MERTK: variants seen among roughly 807,000 people sequenced by gnomAD.
MERTK encodes the protein tyrosine-protein kinase Mer.
In MERTK, 69 loss-of-function variants were observed where a neutral mutation model predicts 99.3. That is an observed-to-expected ratio of 0.70 (90% CI 0.57 to 0.85). The LOEUF is 0.85. Ranked by LOEUF, MERTK falls within the 40% of genes least tolerant of loss-of-function variation. The probability of loss-of-function intolerance (pLI) is 0.00; values close to 1 mark genes in which losing one functional copy is unlikely to be tolerated. For missense variants in MERTK, 1,125 were observed against 1,249.4 expected (o/e 0.90, Z 1.50); for synonymous variants, 426 against 467.6 (o/e 0.91, Z 1.15).
intron 1 of MERTK, among the ~76,000 whole-genome samples, chr2:111,921,171 G>A (rs1207357660): frequency 6.6e-6 from 1 of 152,092 alleles, no homozygotes; most frequent in Admixed American, 6.6e-5. Flanking sequence ...ACTGGTCTAG[G>A]TTCTGCGTTT....
chr2:111,927,928 T>A (rs1684597963), intron 1 of MERTK, among the ~76,000 whole-genome samples: 2 of 152,046 alleles, frequency 1.3e-5, no homozygotes, highest in South Asian at 4.1e-4. Flanking sequence ...CACCCACCTG[T>A]CTCACTCACT....
intron 1 of MERTK, among the ~76,000 whole-genome samples, chr2:111,915,186 C>T (rs1228892731): frequency 6.6e-6 from 1 of 152,142 alleles, no homozygotes; most frequent in Non-Finnish European, 1.5e-5. Context: ...GTTATTTGTA[C>T]TATTCACTTA....
chr2:111,975,807 A>G (rs558202785), intron 7 of MERTK, among the ~76,000 whole-genome samples: 2 of 152,298 alleles, frequency 1.3e-5, no homozygotes, highest in East Asian at 3.9e-4. Context: ...CCACTCCAAT[A>G]TATGTGGGGA....
chr2:111,967,379 T>C (rs1685377240), intron 5 of MERTK, among the ~76,000 whole-genome samples: 1 of 152,218 alleles, frequency 6.6e-6, no homozygotes, highest in Admixed American at 6.5e-5. Flanking sequence ...CAGGAAGTGT[T>C]AGCCTTCATT....
intron 8 of MERTK, among the ~76,000 whole-genome samples, chr2:111,993,958 G>T (rs1277829367): frequency 6.6e-6 from 1 of 152,148 alleles, no homozygotes; most frequent in Non-Finnish European, 1.5e-5. Context: ...CTGCCGTCCG[G>T]GTGCATCTGC....
chr2:111,898,880 C>G, intron 1 of MERTK, 84 bp downstream of exon 1: 1 of 1,380,248 alleles, frequency 7.2e-7, no homozygotes, highest in Non-Finnish European at 9.8e-7. Context: ...AGCGCGTCCA[C>G]AGGGGCGCGC....
At chr2:112,010,391 G>T in intron 15 of MERTK, 1 of 304,704 alleles carries the variant, frequency 3.3e-6, no homozygotes, top group Non-Finnish European at 6.5e-6. Flanking sequence ...AGAGCTTGCA[G>T]ACTATGGGAA....
At chr2:112,002,824 T>C (rs1314605113) in intron 11 of MERTK, among the ~76,000 whole-genome samples, 2 of 152,034 alleles carry the variant, frequency 1.3e-5, no homozygotes, top group Non-Finnish European at 2.9e-5. Context: ...AATACATAAA[T>C]TAGCTGGGTG....
chr2:112,025,990 A>T (rs1305025133), intron 18 of MERTK, among the ~76,000 whole-genome samples: 1 of 152,204 alleles, frequency 6.6e-6, no homozygotes, highest in Admixed American at 6.5e-5. Flanking sequence ...AACCTATATG[A>T]TCACATCTTT....
At chr2:111,925,581 G>A (rs1684548331) in intron 1 of MERTK, among the ~76,000 whole-genome samples, 2 of 151,512 alleles carry the variant, frequency 1.3e-5, no homozygotes, top group Admixed American at 6.6e-5. Flanking sequence ...GGGATTACAG[G>A]CGTGAGCCAC....
In MERTK at chr2:111,898,741, G is replaced by T. The variant is rs369484994; in HGVS notation, c.6G>T (p.Gly2=). 6.2e-7 allele frequency: 1 copy of T among 1,606,166 alleles called. No homozygotes were observed. Among genetic ancestry groups the T allele is most frequent in the African/African-American group, 1.3e-5 (1 of 74,824 alleles). The change falls in exon 1 of 19, where the codon GGG becomes GGT. Residue 2 remains glycine (G), a synonymous_variant. Transcript: ENST00000295408. ...TACAGATCCGCAGCCCCGGGATGGG[G>T]CCGGCCCCGCTGCCGCTGCTGCTGG... The part of the protein sequence containing the change: M[G]PAPLPLLLGL...
rs747097810 is a variant in MERTK, at chr2:112,024,212, A to G, written c.2486+1818A>G. On this transcript the variant is annotated intron_variant, in intron 18 of 18. Transcript: ENST00000295408. ...AATAAGGAAGCATTTCAGTCAAACA[A>G]TGTTGACTATGGAAAGAGTTTTGTT... Among the ~76,000 whole-genome samples, 58 of 152,204 alleles carry G rather than the reference A, an allele frequency of 3.8e-4. 3 individuals carry two copies. Among genetic ancestry groups the G allele is most frequent in the Non-Finnish European group, 2.1e-4 (14 of 68,038 alleles).
Position 111,903,736 on chromosome 2 carries a change from G to A in MERTK, c.61+4940G>A, listed in dbSNP as rs72938408. On this transcript the variant is annotated intron_variant, in intron 1 of 18. Coordinates refer to ENST00000295408, the MANE Select transcript of MERTK (RefSeq NM_006343.3). Reference sequence around the variant, plus strand: ...AACCGGGACTGGCTTCTGGGGCTTTGGGGGTGGTGATTAACTTTCAGGACC... The same window carrying A: ...AACCGGGACTGGCTTCTGGGGCTTTAGGGGTGGTGATTAACTTTCAGGACC... Among the ~76,000 whole-genome samples the A allele has an allele frequency of 8.1e-3, 1,233 of 152,318 alleles. 24 individuals carry two copies. The highest frequency in any genetic ancestry group is 0.028 in the African/African-American group (1,166 of 41,562).
chr2:111,999,683 A>C (rs1001953719), intron 10 of MERTK, among the ~76,000 whole-genome samples: 3 of 152,202 alleles, frequency 2.0e-5, no homozygotes, highest in Non-Finnish European at 2.9e-5. Flanking sequence ...TTCCCCTATT[A>C]TTAACAGCTT....
chr2:111,924,043 C>G (rs1264811985), intron 1 of MERTK, among the ~76,000 whole-genome samples: 1 of 152,050 alleles, frequency 6.6e-6, no homozygotes, highest in Non-Finnish European at 1.5e-5. Flanking sequence ...TTTATACAGC[C>G]AACAACGATG....
chr2:111,935,669 G>A (rs1684752238), intron 2 of MERTK, among the ~76,000 whole-genome samples: 1 of 151,238 alleles, frequency 6.6e-6, no homozygotes, highest in Non-Finnish European at 1.5e-5. Flanking sequence ...GTGTGTGTGT[G>A]TGTGTGTGTG....
intron 1 of MERTK, among the ~76,000 whole-genome samples, chr2:111,899,663 G>T (rs1042662053): frequency 1.3e-5 from 2 of 152,028 alleles, no homozygotes; most frequent in African/African-American, 4.8e-5. Context: ...GACTATAGAC[G>T]CGCGCTACCA....
Position 111,933,943 on chromosome 2 carries a change from TC to T in MERTK, c.482+4406del, listed in dbSNP as rs1168058053. ...TGTCCACGTGTTCTCATTGGTCAAT[TC>T]CCACTGATGAGTGAGAGAATATGCA... On this transcript the variant is annotated intron_variant, in intron 2 of 18. Transcript: ENST00000295408. Among the ~76,000 whole-genome samples the T allele has an allele frequency of 2.0e-5, 3 of 147,362 alleles. No homozygotes were observed. In the Admixed American group the frequency reaches 2.1e-4, roughly 10 times the overall value.
intron 4 of MERTK, among the ~76,000 whole-genome samples, chr2:111,948,754 G>A (rs1475447962): frequency 6.6e-6 from 1 of 152,082 alleles, no homozygotes; most frequent in South Asian, 2.1e-4. Context: ...TGTCGCCTCT[G>A]CAGTAGCTTC....
Sources: gnomAD v4.1 joint callset for allele counts (sites outside exome capture counted in the v4.1 genomes callset) on GRCh38, gnomAD v4.1.1 for gene constraint, MANE v1.5 for transcripts, NCBI Gene and HGNC (gene_info 2026-07-23, HGNC 2026-07-21) for gene names.